Variants in RETSAT observed in about 807,000 individuals in gnomAD.
The protein encoded by RETSAT is retinol saturase.
RETSAT carries 35 observed loss-of-function variants against 61.6 expected under a neutral mutation model. That is an observed-to-expected ratio of 0.57 (90% CI 0.43 to 0.75). The LOEUF is 0.75. Ranked by LOEUF, RETSAT falls within the 30% of genes least tolerant of loss-of-function variation. The pLI, the probability that RETSAT is intolerant of heterozygous loss-of-function variation, is 0.00. For missense variants in RETSAT, 670 were observed against 759.5 expected, an observed-to-expected ratio of 0.88 and a Z score of 1.38; for synonymous variants, 277 against 310.4, an observed-to-expected ratio of 0.89 and a Z score of 1.13.
intron 4 of RETSAT, 182 bp from the exon 5 acceptor site, chr2:85,349,763 G>C (rs1683267748): frequency 7.7e-6 from 5 of 646,814 alleles, no homozygotes; most frequent in South Asian, 7.7e-5. Flanking sequence ...AGAGATCTTG[G>C]CGCCAGTAGG....
intron 6 of RETSAT, 47 bp from the exon 7 acceptor site, chr2:85,344,779 G>A (rs368845827): frequency 7.3e-5 from 116 of 1,597,966 alleles, no homozygotes; most frequent in Non-Finnish European, 9.6e-5. Context: ...GGCCGGAGAC[G>A]GCCACTCCTT....
intron 4 of RETSAT, 75 bp from the exon 5 acceptor site, chr2:85,349,656 G>T: frequency 7.9e-7 from 1 of 1,272,968 alleles, no homozygotes; most frequent in Non-Finnish European, 1.1e-6. Context: ...GTGGAATTCT[G>T]TGAGATAACA....
rs1683103461 is a variant in RETSAT, at chr2:85,342,335, C to G, written c.*907G>C. Reference sequence around the variant, plus strand: ...TGTGACTTCCCTCCCTTACCCCACACCTCCCTGCACTGTCCCCTGCTGTGC... The same window carrying G: ...TGTGACTTCCCTCCCTTACCCCACAGCTCCCTGCACTGTCCCCTGCTGTGC... On this transcript the variant is annotated 3_prime_UTR_variant, in exon 11 of 11. Transcript: ENST00000295802. The G allele has an allele frequency of 6.1e-6, 1 of 165,058 alleles. No individual in the cohort carries two copies. Among genetic ancestry groups the G allele is most frequent in the Non-Finnish European group, 1.3e-5 (1 of 76,000 alleles). The allele number at this position is 165,058 out of a possible 1,614,324, so 10.2% of individuals were successfully genotyped here. A position where few individuals can be genotyped will look rare whatever the true frequency, so the allele number is the denominator to read the frequency against.
At position 85,344,093 on chromosome 2, in the gene RETSAT, C is replaced by A. The variant is rs752059565; in HGVS notation, c.1439G>T (p.Gly480Val). ...GGTCTCATAGTCACTGCCCCGCTTTCCCTTCAGCTCCGCCTGCCACTCCTC... is the reference window on the plus strand; with the variant it reads ...GGTCTCATAGTCACTGCCCCGCTTTACCTTCAGCTCCGCCTGCCACTCCTC... ...WFEEWQAELKGKRGSDYETFK... is the reference protein window; with the variant it reads ...WFEEWQAELKVKRGSDYETFK... Residue 480 changes from glycine to valine, a missense_variant, in exon 9 of 11, where the codon GGA becomes GTA. Transcript: ENST00000295802. The A allele has an allele frequency of 5.0e-6, 8 of 1,614,012 alleles. No homozygotes were observed. Among genetic ancestry groups the A allele is most frequent in the Non-Finnish European group, 6.8e-6 (8 of 1,180,006 alleles).
In RETSAT at chr2:85,344,736, C is replaced by T. The variant is rs1397330064; in HGVS notation, c.1118-4G>A. 1.2e-6 allele frequency: 2 copies of T among 1,613,686 alleles called. No homozygotes were observed. Among genetic ancestry groups the T allele is most frequent in the African/African-American group, 2.7e-5 (2 of 74,944 alleles). On this transcript the variant is annotated splice_region_variant and splice_polypyrimidine_tract_variant and intron_variant, in intron 6 of 10. Transcript: ENST00000295802. ...GTCCCCAGTTGCTGCTTCACACCTG[C>T]CAGGGGGAGTGGTTGGTGCCTGTGT...
chr2:85,344,095 C>T lies in RETSAT; in HGVS notation c.1437G>A (p.Lys479=). ...TCTCATAGTCACTGCCCCGCTTTCC[C>T]TTCAGCTCCGCCTGCCACTCCTCAA... is the stretch of plus-strand genomic sequence containing the variant. The part of the protein sequence containing the change: ...EWFEEWQAEL[K]GKRGSDYETF... Residue 479 remains lysine, a synonymous_variant, in exon 9 of 11, where the codon AAG becomes AAA. Transcript: ENST00000295802. 1 of 1,614,108 alleles carries T rather than the reference C, an allele frequency of 6.2e-7. No homozygotes were observed. The highest frequency in any genetic ancestry group is 1.7e-5 in the Admixed American group (1 of 60,020).
chr2:85,350,041 G>A lies in RETSAT; in HGVS notation c.798C>T (p.Tyr266=), dbSNP rs754712680. The change falls in exon 4 of 11, where the codon TAC becomes TAT. Residue 266 remains tyrosine, a splice_region_variant and synonymous_variant. Coordinates refer to ENST00000295802, the MANE Select transcript of RETSAT (RefSeq NM_017750.4). The stretch of plus-strand genomic sequence containing the variant: ...CCAGAGCCCAGGCCCAGTACCCACC[G>A]TAAGTGGGGAAGATGTAGCTGAGTA... The part of the protein sequence containing the change: ...QAVLSYIFPT[Y]GVTPNHSAFS... The A allele has an allele frequency of 1.3e-5, 21 of 1,613,022 alleles. No individual in the cohort carries two copies. Among genetic ancestry groups the A allele is most frequent in the East Asian group, 1.1e-4 (5 of 44,870 alleles).
intron 5 of RETSAT, 103 bp from the exon 6 acceptor site, chr2:85,346,197 C>G: frequency 2.0e-6 from 3 of 1,478,308 alleles, no homozygotes; most frequent in Non-Finnish European, 2.7e-6. Flanking sequence ...TTTCTCAGAC[C>G]TTGGAGTCCA....
chr2:85,352,127 T>C (rs900661457), intron 1 of RETSAT, among the ~76,000 whole-genome samples: 4 of 152,200 alleles, frequency 2.6e-5, no homozygotes, highest in African/African-American at 9.6e-5. Context: ...TGATCACAGC[T>C]CACTGCAGCC....
At chr2:85,350,704 C>G in intron 3 of RETSAT, 76 bp downstream of exon 3, 5 of 1,558,620 alleles carry the variant, frequency 3.2e-6, no homozygotes, top group Non-Finnish European at 3.5e-6. Context: ...CTCTCCACCC[C>G]CAGTGCCTCC....
chr2:85,345,761 C>T (rs769758710), intron 6 of RETSAT: 2 of 699,352 alleles, frequency 2.9e-6, no homozygotes, highest in South Asian at 1.5e-5. Flanking sequence ...TGAGTGGCCT[C>T]AGGACTGTAA....
Position 85,350,485 on chromosome 2 carries a change from C to T in RETSAT, c.598-244G>A, listed in dbSNP as rs72840076. Among the ~76,000 whole-genome samples, 603 of 152,210 alleles carry T rather than the reference C, an allele frequency of 4.0e-3. 4 individuals are homozygous for T. Among genetic ancestry groups the T allele is most frequent in the South Asian group, 0.013 (63 of 4,816 alleles). On this transcript the variant is annotated intron_variant, in intron 3 of 10. Coordinates refer to ENST00000295802, the MANE Select transcript of RETSAT (RefSeq NM_017750.4). The stretch of plus-strand genomic sequence containing the variant: ...CTTTTCAAAAATCCCAATCTGGTCT[C>T]GGATGCAGTAAAAAGGAGTAGTGAT...
At chr2:85,352,832 C>T (rs1417667572) in intron 1 of RETSAT, among the ~76,000 whole-genome samples, 2 of 152,194 alleles carry the variant, frequency 1.3e-5, no homozygotes, top group African/African-American at 4.8e-5. Flanking sequence ...GCACCAGCCC[C>T]TCCCATAGGG....
At chr2:85,354,266 G>T in intron 1 of RETSAT, 70 bp downstream of exon 1, 1 of 1,573,042 alleles carries the variant, frequency 6.4e-7, no homozygotes, top group Non-Finnish European at 8.7e-7. Context: ...GGCTGCCTTG[G>T]CAAAATGAGA....
Position 85,350,866 on chromosome 2 carries a change from T to C in RETSAT, c.511A>G (p.Ser171Gly). The C allele has an allele frequency of 1.2e-6, 2 of 1,614,234 alleles. No homozygotes were observed. The highest frequency in any genetic ancestry group is 1.7e-6 in the Non-Finnish European group (2 of 1,180,040). Residue 171 changes from serine (S) to glycine (G), a missense_variant, in exon 3 of 11, where the codon AGT becomes GGT. Ser to Gly is a moderately conservative substitution (Grantham distance 56). Coordinates refer to ENST00000295802, the MANE Select transcript of RETSAT (RefSeq NM_017750.4). ...PNGRKEYPMY[S>G]GEKAYIQGLK... Reference sequence around the variant, plus strand: ...CCCTGAATGTAGGCTTTCTCTCCACTGTACATGGGGTACTCCTTTCGGCCA... The same window carrying C: ...CCCTGAATGTAGGCTTTCTCTCCACCGTACATGGGGTACTCCTTTCGGCCA...
intron 5 of RETSAT, among the ~76,000 whole-genome samples, chr2:85,346,599 C>A (rs938373): frequency 0.033 from 5,079 of 151,818 alleles, 221 homozygotes; most frequent in African/African-American, 0.1. Flanking sequence ...CTCTATAGAA[C>A]AAAAAAATTT....
At chr2:85,346,909 C>G (rs1470973570) in intron 5 of RETSAT, among the ~76,000 whole-genome samples, 1 of 152,200 alleles carries the variant, frequency 6.6e-6, no homozygotes, top group Non-Finnish European at 1.5e-5. Context: ...GTCACTCTCA[C>G]TAAACTCCCA....
chr2:85,351,141 G>A, intron 2 of RETSAT, 120 bp from the exon 3 acceptor site: 1 of 1,211,306 alleles, frequency 8.3e-7, no homozygotes, highest in Non-Finnish European at 1.2e-6. Flanking sequence ...CCCAGAGTGA[G>A]CTGCTCACTC....
intron 1 of RETSAT, among the ~76,000 whole-genome samples, chr2:85,352,083 G>A (rs1319794535): frequency 1.3e-5 from 2 of 152,154 alleles, no homozygotes; most frequent in Non-Finnish European, 2.9e-5. Flanking sequence ...TTGAGACAAG[G>A]TCTCACTATG....
Sources: allele counts gnomAD v4.1 joint callset (sites outside exome capture counted in the v4.1 genomes callset), GRCh38; gene constraint gnomAD v4.1.1; transcripts MANE v1.5; gene names NCBI Gene and HGNC (gene_info 2026-07-23, HGNC 2026-07-21).